Variants in DIAPH3 observed in about 807,000 individuals in gnomAD.
DIAPH3 encodes the protein diaphanous related formin 3.
A neutral mutation model predicts 144.3 loss-of-function variants in DIAPH3; 117 were observed. The observed-to-expected ratio is 0.81, with a 90% CI of 0.70 to 0.95. DIAPH3 has a LOEUF of 0.95. Ranked by LOEUF, DIAPH3 falls within the 40% of genes least tolerant of loss-of-function variation. The pLI, the probability that DIAPH3 is intolerant of heterozygous loss-of-function variation, is 0.00. For synonymous variants in DIAPH3, 519 were observed against 488.9 expected, an observed-to-expected ratio of 1.06 and a Z score of -0.81; for missense variants, 1,421 against 1,412.7, an observed-to-expected ratio of 1.01 and a Z score of -0.09.
chr13:59,730,364 G>C (rs1184282347), intron 27 of DIAPH3, among the ~76,000 whole-genome samples: 1 of 152,010 alleles, frequency 6.6e-6, no homozygotes, highest in African/African-American at 2.4e-5. Flanking sequence ...CATAAATCTG[G>C]AAGTGCTTGA....
intron 27 of DIAPH3, among the ~76,000 whole-genome samples, chr13:59,694,082 A>G (rs1408836364): frequency 6.6e-6 from 1 of 152,198 alleles, no homozygotes; most frequent in Non-Finnish European, 1.5e-5. Flanking sequence ...ATTATAAGAA[A>G]GGACAGATAT....
intron 27 of DIAPH3, among the ~76,000 whole-genome samples, chr13:59,771,327 T>C (rs749707438): frequency 3.3e-5 from 5 of 152,152 alleles, no homozygotes; most frequent in Non-Finnish European, 7.4e-5. Flanking sequence ...TACCCAAGCT[T>C]TCTATAATAT....
intron 24 of DIAPH3, among the ~76,000 whole-genome samples, chr13:59,823,599 G>A (rs2041198563): frequency 1.3e-5 from 2 of 152,166 alleles, no homozygotes; most frequent in East Asian, 1.9e-4. Context: ...CTCGACCATA[G>A]GACTTGTACA....
At chr13:60,082,854 G>A (rs2057608275) in intron 4 of DIAPH3, among the ~76,000 whole-genome samples, 1 of 152,048 alleles carries the variant, frequency 6.6e-6, no homozygotes, top group African/African-American at 2.4e-5. Context: ...GAAATGTAAT[G>A]GCTATATGCT....
chr13:59,981,011 T>C (rs948007376), intron 13 of DIAPH3, 152 bp from the exon 14 acceptor site: 22 of 645,978 alleles, frequency 3.4e-5, no homozygotes, highest in Non-Finnish European at 5.2e-5. Context: ...AATGTTGGAA[T>C]GAAAAAGGCT....
intron 19 of DIAPH3, among the ~76,000 whole-genome samples, chr13:59,912,549 T>C (rs1712132330): frequency 6.6e-6 from 1 of 152,186 alleles, no homozygotes; most frequent in African/African-American, 2.4e-5. Context: ...AGACTATGTC[T>C]TCCTGATACA....
In DIAPH3 at chr13:59,911,761, A is replaced by C; in HGVS notation, c.2341T>G (p.Cys781Gly). 6.2e-7 allele frequency: 1 copy of C among 1,613,666 alleles called. No homozygotes were observed. Among genetic ancestry groups the C allele is most frequent in the South Asian group, 1.1e-5 (1 of 91,060 alleles). Reference sequence around the variant, plus strand: ...ACAACCACAAACTGCTCAGGTTCACATAAGTTGCTATATTCACTCTTGAAC... The same window carrying C: ...ACAACCACAAACTGCTCAGGTTCACCTAAGTTGCTATATTCACTCTTGAAC... ...SQFKSEYSNL[C>G]EPEQFVVVMS... Residue 781 changes from cysteine (C) to glycine (G), a missense_variant, in exon 20 of 28, where the codon TGT becomes GGT. Physicochemically the swap from Cys to Gly is radical, Grantham distance 159 (BLOSUM62 -3). Transcript: ENST00000400324.
intron 27 of DIAPH3, among the ~76,000 whole-genome samples, chr13:59,698,712 A>G (rs965189228): frequency 1.3e-5 from 2 of 152,212 alleles, no homozygotes; most frequent in African/African-American, 4.8e-5. Context: ...AGTAAGCAAT[A>G]TTCTTATTTC....
chr13:60,045,855 G>T (rs1196195176), intron 4 of DIAPH3, among the ~76,000 whole-genome samples: 2 of 152,290 alleles, frequency 1.3e-5, no homozygotes, highest in Non-Finnish European at 2.9e-5. Flanking sequence ...TAACCAGTAA[G>T]TGCATGTGGA....
At chr13:59,709,028 A>G (rs1367220850) in intron 27 of DIAPH3, among the ~76,000 whole-genome samples, 2 of 152,096 alleles carry the variant, frequency 1.3e-5, no homozygotes. Context: ...AACTACTTTC[A>G]GACACATATA....
intron 27 of DIAPH3, among the ~76,000 whole-genome samples, chr13:59,669,377 T>C (rs1327415567): frequency 2.6e-5 from 4 of 152,170 alleles, no homozygotes; most frequent in African/African-American, 9.7e-5. Context: ...TCTCCACTCT[T>C]TGAAACTTCC....
intron 25 of DIAPH3, among the ~76,000 whole-genome samples, chr13:59,792,187 G>A (rs1324663608): frequency 2.6e-5 from 4 of 152,066 alleles, no homozygotes; most frequent in Admixed American, 1.3e-4. Flanking sequence ...CCTATCTCAC[G>A]TGCTTAAAGT....
chr13:60,159,625 C>T (rs899549278), intron 1 of DIAPH3, among the ~76,000 whole-genome samples: 4 of 120,080 alleles, frequency 3.3e-5, no homozygotes, highest in Non-Finnish European at 5.4e-5. Context: ...CTTTGTCTCA[C>T]AAAAAAAAAA....
chr13:59,719,603 T>G (rs2035237877), intron 27 of DIAPH3, among the ~76,000 whole-genome samples: 1 of 152,080 alleles, frequency 6.6e-6, no homozygotes, highest in Non-Finnish European at 1.5e-5. Context: ...CTAAAGATAT[T>G]CCTTCATGTG....
intron 20 of DIAPH3, among the ~76,000 whole-genome samples, chr13:59,892,010 A>G (rs2045830291): frequency 6.6e-6 from 1 of 152,012 alleles, no homozygotes; most frequent in South Asian, 2.1e-4. Context: ...ATATTAAACA[A>G]ACAAACAAAC....
At chr13:59,732,240 G>A (rs1390698066) in intron 27 of DIAPH3, among the ~76,000 whole-genome samples, 1 of 98,328 alleles carries the variant, frequency 1.0e-5, no homozygotes, top group East Asian at 3.4e-4. Flanking sequence ...AGTATCTCAA[G>A]TATTTTTTTG....
intron 19 of DIAPH3, among the ~76,000 whole-genome samples, chr13:59,915,912 T>C (rs2047196843): frequency 6.6e-6 from 1 of 152,146 alleles, no homozygotes; most frequent in Admixed American, 6.6e-5. Flanking sequence ...CAATTTGCTT[T>C]TCAGAAACAA....
chr13:59,788,038 C>T (rs1006627878), intron 25 of DIAPH3, among the ~76,000 whole-genome samples: 13 of 152,154 alleles, frequency 8.5e-5, no homozygotes, highest in Non-Finnish European at 5.9e-5. Flanking sequence ...TCATAAGCTA[C>T]TCAGTTTATG....
chr13:59,759,261 C>G (rs745448450), intron 27 of DIAPH3, among the ~76,000 whole-genome samples: 19 of 152,116 alleles, frequency 1.2e-4, no homozygotes, highest in Non-Finnish European at 2.6e-4. Flanking sequence ...GGGCCTACAA[C>G]ACAAAAAAGC....
Sources: gnomAD v4.1 joint callset for allele counts (sites outside exome capture counted in the v4.1 genomes callset) on GRCh38, gnomAD v4.1.1 for gene constraint, MANE v1.5 for transcripts, NCBI Gene and HGNC (gene_info 2026-07-23, HGNC 2026-07-21) for gene names.